Variants in EFHC2 observed in about 807,000 individuals in gnomAD.
EFHC2 encodes the protein EF-hand domain containing 2.
In EFHC2, 18 loss-of-function variants were observed where a neutral mutation model predicts 52.7. The observed-to-expected ratio is 0.34, with a 90% CI of 0.24 to 0.51. The LOEUF (loss-of-function observed/expected upper bound fraction) is 0.51, where lower values mean the gene tolerates loss of function less well. Ranked by LOEUF, EFHC2 falls within the 20% of genes least tolerant of loss-of-function variation. EFHC2 has a pLI of 0.97. For synonymous variants in EFHC2, 203 were observed against 204.1 expected (o/e 0.99, Z 0.04); for missense variants, 513 against 562.5 (o/e 0.91, Z 0.89).
chrX:44,343,503 G>C, intron 1 of EFHC2, 44 bp downstream of exon 1: 1 of 1,172,954 alleles, frequency 8.5e-7, no homozygotes, highest in Non-Finnish European at 1.1e-6. Context: ...CTGGACCCCA[G>C]ACTCCAGCCG....
At chrX:44,300,112 C>A (rs2037857809) in intron 2 of EFHC2, among the ~76,000 whole-genome samples, 1 of 102,384 alleles carries the variant, frequency 9.8e-6, no homozygotes, top group Non-Finnish European at 2.0e-5. Flanking sequence ...AATAAACTTG[C>A]AGCTGGTTTG....
intron 11 of EFHC2, among the ~76,000 whole-genome samples, chrX:44,220,681 A>G (rs960461412): frequency 1.8e-5 from 2 of 112,339 alleles, no homozygotes; most frequent in Non-Finnish European, 3.8e-5. Context: ...TGGCTAAAAA[A>G]TATTGTCTGA....
At chrX:44,217,156 A>T (rs940224653) in intron 11 of EFHC2, among the ~76,000 whole-genome samples, 2 of 111,994 alleles carry the variant, frequency 1.8e-5, no homozygotes, top group Non-Finnish European at 3.8e-5. Flanking sequence ...AATGCAAATC[A>T]AAAGTACAAT....
chrX:44,297,824 C>T lies in EFHC2; in HGVS notation c.231+14744G>A, dbSNP rs760865282. ...CAGCAACTGCAAGGCCAGAAACAGG[C>T]GAAGACAAAGTAAGGAAAGGAAGAA... is the stretch of plus-strand genomic sequence containing the variant. On this transcript the variant is annotated intron_variant, in intron 2 of 14. Transcript: ENST00000420999. Among the ~76,000 whole-genome samples the T allele has an allele frequency of 4.9e-3, 505 of 103,937 alleles. 6 individuals carry two copies. The highest frequency in any genetic ancestry group is 0.018 in the South Asian group (40 of 2,283). The allele number at this position is 103,937 out of a possible 115,157, so 90.3% of individuals were successfully genotyped here.
In EFHC2 at chrX:44,242,104, A is replaced by T; in HGVS notation, c.1280+17T>A. Reference sequence around the variant, plus strand: ...ATTTGGGAAAGATCAGACTAAAATCATGGTTCCCTCAAGCACCTGTCTTTT... The same window carrying T: ...ATTTGGGAAAGATCAGACTAAAATCTTGGTTCCCTCAAGCACCTGTCTTTT... On this transcript the variant is annotated intron_variant, in intron 8 of 14. Transcript: ENST00000420999. 8.5e-7 allele frequency: 1 copy of T among 1,171,116 alleles called. No individual in the cohort carries two copies. The highest frequency in any genetic ancestry group is 1.1e-6 in the Non-Finnish European group (1 of 876,880).
At chrX:44,331,315 G>T (rs1165204206) in intron 1 of EFHC2, among the ~76,000 whole-genome samples, 2 of 112,150 alleles carry the variant, frequency 1.8e-5, no homozygotes, top group Non-Finnish European at 3.8e-5. Flanking sequence ...GTAACATTTT[G>T]AAATAGCAAA....
intron 2 of EFHC2, among the ~76,000 whole-genome samples, chrX:44,304,965 A>G (rs747730845): frequency 4.2e-4 from 47 of 110,943 alleles, no homozygotes; most frequent in African/African-American, 1.5e-3. Flanking sequence ...GATTTAAAAC[A>G]TCAAAATTAA....
Position 44,343,619 on chromosome X carries a change from A to C in EFHC2, c.-31T>G. 1 of 1,150,226 alleles carries C rather than the reference A, an allele frequency of 8.7e-7. No individual in the cohort carries two copies. Among genetic ancestry groups the C allele is most frequent in the Non-Finnish European group, 1.2e-6 (1 of 868,802 alleles). The allele number at this position is 1,150,226 out of a possible 1,213,427, so 94.8% of individuals were successfully genotyped here. ...TCAGTGTCCGAAAATCCAGGGTCCCAGAAGAGAGGGCCCGGCAGGCAGCGG... is the reference window on the plus strand; with the variant it reads ...TCAGTGTCCGAAAATCCAGGGTCCCCGAAGAGAGGGCCCGGCAGGCAGCGG... On this transcript the variant is annotated 5_prime_UTR_variant, in exon 1 of 15. Transcript: ENST00000420999.
At chrX:44,301,097 G>A (rs1298297551) in intron 2 of EFHC2, among the ~76,000 whole-genome samples, 1 of 97,229 alleles carries the variant, frequency 1.0e-5, no homozygotes, top group African/African-American at 3.8e-5. Context: ...GTGATAGAGT[G>A]AGACTCTATC....
chrX:44,207,658 T>C (rs1241440378), intron 11 of EFHC2, among the ~76,000 whole-genome samples: 2 of 112,654 alleles, frequency 1.8e-5, no homozygotes, highest in African/African-American at 6.4e-5. Context: ...CAAACGGGAC[T>C]TAATCAAACT....
In EFHC2 at chrX:44,195,686, G is replaced by A. The variant is rs921518812; in HGVS notation, c.1752-17122C>T. Reference sequence around the variant, plus strand: ...TAATTTGACTGAACAGTATTCTGATGGAATGATATTATTTTCTTCTAGGGA... The same window carrying A: ...TAATTTGACTGAACAGTATTCTGATAGAATGATATTATTTTCTTCTAGGGA... On this transcript the variant is annotated intron_variant, in intron 11 of 14. Coordinates refer to ENST00000420999, the MANE Select transcript of EFHC2 (RefSeq NM_025184.4). 2.7e-5 allele frequency among the ~76,000 whole-genome samples: 3 copies of A among 110,885 alleles called. No homozygotes were observed. The East Asian group carries it at 8.5e-4, about 31-fold the overall frequency.
intron 2 of EFHC2, among the ~76,000 whole-genome samples, chrX:44,296,550 C>A (rs751852503): frequency 9.0e-6 from 1 of 111,375 alleles, no homozygotes; most frequent in Non-Finnish European, 1.9e-5. Flanking sequence ...ATAAAAGGAC[C>A]TGCATGAAAT....
At chrX:44,156,485 T>C (rs182225318) in intron 14 of EFHC2, among the ~76,000 whole-genome samples, 105 of 111,881 alleles carry the variant, frequency 9.4e-4, no homozygotes, top group African/African-American at 3.3e-3. Context: ...ATGTCACAGG[T>C]TATTCCATGC....
rs1169413458 is a variant in EFHC2 at position 44,188,668 on chromosome X, C to A, written c.1752-10104G>T. ...CCTCATCCAGTCTGACATGTGTATACATATAGCGAGAAATCCAGGAAAGCT... is the reference window on the plus strand; with the variant it reads ...CCTCATCCAGTCTGACATGTGTATAAATATAGCGAGAAATCCAGGAAAGCT... On this transcript the variant is annotated intron_variant, in intron 11 of 14. Transcript: ENST00000420999. 2.7e-5 allele frequency among the ~76,000 whole-genome samples: 3 copies of A among 111,314 alleles called. No homozygotes were observed. In the Admixed American group the frequency reaches 2.9e-4, roughly 11 times the overall value.
At chrX:44,149,723 G>C (rs1006970645) in intron 14 of EFHC2, among the ~76,000 whole-genome samples, 1 of 111,364 alleles carries the variant, frequency 9.0e-6, no homozygotes, top group African/African-American at 3.3e-5. Context: ...ATATAGGCCG[G>C]ACTGGTCTGG....
At chrX:44,248,123 A>G in intron 7 of EFHC2, 149 bp downstream of exon 7, 1 of 495,665 alleles carries the variant, frequency 2.0e-6, no homozygotes. Context: ...TTAGGAATAT[A>G]TAAGACAACA....
At chrX:44,252,598 C>T (rs768925809) in intron 4 of EFHC2, among the ~76,000 whole-genome samples, 2 of 111,928 alleles carry the variant, frequency 1.8e-5, no homozygotes, top group Non-Finnish European at 3.8e-5. Flanking sequence ...TTAATTTTAA[C>T]TTTACAGTTC....
chrX:44,232,414 A>C, intron 10 of EFHC2, 67 bp downstream of exon 10: 4 of 880,185 alleles, frequency 4.5e-6, no homozygotes, highest in Non-Finnish European at 6.0e-6. Context: ...AAAAGGCCCT[A>C]GAGAAAGAAA....
At chrX:44,276,056 T>C (rs1223593499) in intron 2 of EFHC2, among the ~76,000 whole-genome samples, 1 of 111,452 alleles carries the variant, frequency 9.0e-6, no homozygotes, top group African/African-American at 3.3e-5. Flanking sequence ...CTGCAGGCCC[T>C]ATGATATTAT....
Sources: gnomAD v4.1 joint callset for allele counts (sites outside exome capture counted in the v4.1 genomes callset) on GRCh38, gnomAD v4.1.1 for gene constraint, MANE v1.5 for transcripts, NCBI Gene and HGNC (gene_info 2026-07-23, HGNC 2026-07-21) for gene names.